Variants in DLGAP2 observed in about 807,000 individuals in gnomAD.
DLGAP2 encodes disks large-associated protein 2.
In DLGAP2, 26 loss-of-function variants were observed where a neutral mutation model predicts 100.3. The ratio of observed to expected loss-of-function variants is 0.26; its 90% CI spans 0.19 to 0.36. The LOEUF (loss-of-function observed/expected upper bound fraction) is 0.36. Among genes scored for constraint, DLGAP2 ranks in the 10% least tolerant of loss-of-function variants. The pLI is 1.00. For synonymous variants in DLGAP2, 886 were observed against 630.1 expected, an observed-to-expected ratio of 1.41 and a Z score of -6.08; for missense variants, 1,858 against 1,453.2, an observed-to-expected ratio of 1.28 and a Z score of -4.53.
intron 1 of DLGAP2, among the ~76,000 whole-genome samples, chr8:749,046 C>G (rs979475198): frequency 2.0e-5 from 3 of 152,170 alleles, no homozygotes; most frequent in African/African-American, 7.2e-5. Flanking sequence ...GTTACCCAGG[C>G]TGGAATGCAG....
chr8:944,597 G>A (rs1045702015), intron 2 of DLGAP2, among the ~76,000 whole-genome samples: 1 of 152,118 alleles, frequency 6.6e-6, no homozygotes, highest in Non-Finnish European at 1.5e-5. Flanking sequence ...GACTCAGTGG[G>A]TGGTAGCTGA....
intron 3 of DLGAP2, among the ~76,000 whole-genome samples, chr8:1,324,617 G>C (rs151333820): frequency 2.0e-5 from 3 of 152,252 alleles, no homozygotes; most frequent in African/African-American, 7.2e-5. Flanking sequence ...GCAATGTAAG[G>C]ACAAGTGTTA....
chr8:1,170,193 T>C (rs1295792018), intron 2 of DLGAP2, among the ~76,000 whole-genome samples: 1 of 152,244 alleles, frequency 6.6e-6, no homozygotes, highest in Non-Finnish European at 1.5e-5. Context: ...ATTTATTGAT[T>C]TGCGTATATT....
intron 2 of DLGAP2, among the ~76,000 whole-genome samples, chr8:1,143,843 G>C (rs999903761): frequency 2.6e-5 from 4 of 152,170 alleles, no homozygotes; most frequent in African/African-American, 9.7e-5. Flanking sequence ...CTGCACCTGT[G>C]CCCCTCACTG....
intron 3 of DLGAP2, among the ~76,000 whole-genome samples, chr8:1,447,646 G>T (rs1379115601): frequency 2.0e-5 from 3 of 152,224 alleles, no homozygotes; most frequent in Non-Finnish European, 4.4e-5. Flanking sequence ...GATTGGAATA[G>T]TTTCAGAAGG....
At chr8:1,652,681 G>A (rs1045463838) in intron 8 of DLGAP2, among the ~76,000 whole-genome samples, 2 of 152,138 alleles carry the variant, frequency 1.3e-5, no homozygotes, top group African/African-American at 4.8e-5. Flanking sequence ...GTGCACTTAT[G>A]TAAAACTTAT....
Position 1,556,167 on chromosome 8 carries a change from C to T in DLGAP2, c.1230+6484C>T, listed in dbSNP as rs980827283. On this transcript the variant is annotated intron_variant, in intron 5 of 14. Coordinates refer to ENST00000637795, the MANE Select transcript of DLGAP2 (RefSeq NM_001346810.2). ...GGAACCATCTGCATTTATGCCATGA[C>T]GGCCACCGAGTGGTCACCTTGTTCT... 2.0e-4 allele frequency among the ~76,000 whole-genome samples: 31 copies of T among 152,238 alleles called. 1 individual carries two copies. The highest frequency in any genetic ancestry group is 8.3e-4 in the South Asian group (4 of 4,834).
At chr8:790,830 C>T (rs141760884) in intron 1 of DLGAP2, among the ~76,000 whole-genome samples, 8 of 152,244 alleles carry the variant, frequency 5.3e-5, no homozygotes, top group Admixed American at 6.5e-5. Flanking sequence ...ACTGCAACCT[C>T]GAACTCCTGG....
chr8:1,689,626 G>C (rs745898896), intron 12 of DLGAP2, among the ~76,000 whole-genome samples: 4 of 151,712 alleles, frequency 2.6e-5, no homozygotes, highest in Non-Finnish European at 4.4e-5. Flanking sequence ...GCTCTGCAGA[G>C]ACTCTCCAGG....
At chr8:1,676,725 G>T in intron 11 of DLGAP2, 107 bp downstream of exon 11, 3 of 1,075,750 alleles carry the variant, frequency 2.8e-6, no homozygotes, top group Non-Finnish European at 4.1e-6. Context: ...GCCTGTCCTT[G>T]TGGAAACAGG....
intron 2 of DLGAP2, among the ~76,000 whole-genome samples, chr8:1,180,203 T>C (rs1679669177): frequency 1.3e-5 from 2 of 151,140 alleles, no homozygotes; most frequent in Admixed American, 1.3e-4. Flanking sequence ...GATTTGTTTT[T>C]TAATTGACTT....
At chr8:1,644,056 T>C (rs71518081) in intron 8 of DLGAP2, among the ~76,000 whole-genome samples, 419 of 27,420 alleles carry the variant, frequency 0.015, 92 homozygotes, top group African/African-American at 0.076. Context: ...AACCCGCCGG[T>C]CCTCACCTGT....
intron 1 of DLGAP2, among the ~76,000 whole-genome samples, chr8:741,151 G>T (rs1820472599): frequency 6.6e-6 from 1 of 152,188 alleles, no homozygotes; most frequent in African/African-American, 2.4e-5. Context: ...TACAAAAACT[G>T]AGCATAGTGA....
At chr8:1,514,927 C>T (rs140609916) in intron 4 of DLGAP2, among the ~76,000 whole-genome samples, 3 of 152,178 alleles carry the variant, frequency 2.0e-5, no homozygotes, top group Non-Finnish European at 4.4e-5. Context: ...CCTACAAGAG[C>T]ACAGCCAGCG....
intron 2 of DLGAP2, among the ~76,000 whole-genome samples, chr8:1,123,248 A>G (rs972939175): frequency 6.6e-6 from 1 of 152,250 alleles, no homozygotes; most frequent in South Asian, 2.1e-4. Context: ...TCTAAAATGT[A>G]AAGCAAAGAA....
At chr8:1,518,531 C>T (rs1394198060) in intron 4 of DLGAP2, among the ~76,000 whole-genome samples, 2 of 152,068 alleles carry the variant, frequency 1.3e-5, no homozygotes. Context: ...GGTGACTGTC[C>T]AGTTTTTAGA....
At chr8:801,611 G>C (rs1047821734) in intron 1 of DLGAP2, among the ~76,000 whole-genome samples, 2 of 152,152 alleles carry the variant, frequency 1.3e-5, no homozygotes, top group African/African-American at 4.8e-5. Context: ...TGTGGGGCTC[G>C]CTGGACGGTG....
At position 1,585,883 on chromosome 8, in the gene DLGAP2, G is replaced by A. The variant is rs151055738; in HGVS notation, c.1442+19989G>A. On this transcript the variant is annotated intron_variant, in intron 6 of 14. Coordinates refer to ENST00000637795, the MANE Select transcript of DLGAP2 (RefSeq NM_001346810.2). ...TCACTCTGTCTCTGGCATGTCCATCGCCAGGGGTTTCCACTGCCCATGACT... is the reference window on the plus strand; with the variant it reads ...TCACTCTGTCTCTGGCATGTCCATCACCAGGGGTTTCCACTGCCCATGACT... 3.1e-3 allele frequency among the ~76,000 whole-genome samples: 467 copies of A among 152,096 alleles called. 2 individuals are homozygous for A. The highest frequency in any genetic ancestry group is 0.01 in the African/African-American group (435 of 41,508).
intron 6 of DLGAP2, among the ~76,000 whole-genome samples, chr8:1,626,302 G>T (rs1449590131): frequency 3.5e-5 from 4 of 115,160 alleles, no homozygotes; most frequent in Non-Finnish European, 5.1e-5. Context: ...TCTGCCCTGT[G>T]GTGGGTGCTC....
Sources: gnomAD v4.1 joint callset for allele counts (sites outside exome capture counted in the v4.1 genomes callset) on GRCh38, gnomAD v4.1.1 for gene constraint, MANE v1.5 for transcripts, NCBI Gene and HGNC (gene_info 2026-07-23, HGNC 2026-07-21) for gene names.